The following ANKRD13C variants were observed in gnomAD, a reference collection of about 807,000 sequenced individuals.
ANKRD13C encodes ankyrin repeat domain 13C, also known as ankyrin repeat domain-containing protein 13C.
In ANKRD13C, 16 loss-of-function variants were observed where a neutral mutation model predicts 65.5. The observed-to-expected ratio is 0.24, with a 90% CI of 0.17 to 0.37. ANKRD13C has a LOEUF of 0.37. Ranked by LOEUF, ANKRD13C falls within the 10% of genes least tolerant of loss-of-function variation. The pLI is 1.00. For missense variants in ANKRD13C, 503 were observed against 655.9 expected (o/e 0.77, Z 2.55); for synonymous variants, 235 against 238.7 (o/e 0.98, Z 0.14).
chr1:70,353,616 G>A (rs1682850131), intron 1 of ANKRD13C, among the ~76,000 whole-genome samples: 1 of 152,170 alleles, frequency 6.6e-6, no homozygotes, highest in Non-Finnish European at 1.5e-5. Flanking sequence ...TGCCAAGGTA[G>A]GGGGAAGAGA....
At chr1:70,297,966 G>C (rs1680168401) in intron 7 of ANKRD13C, among the ~76,000 whole-genome samples, 1 of 150,874 alleles carries the variant, frequency 6.6e-6, no homozygotes. Flanking sequence ...GCAATGGCTT[G>C]GGCCTGGGAC....
intron 3 of ANKRD13C, among the ~76,000 whole-genome samples, chr1:70,320,514 T>C (rs1399409950): frequency 6.6e-6 from 1 of 151,904 alleles, no homozygotes; most frequent in East Asian, 1.9e-4. Flanking sequence ...TTGTATTTTT[T>C]TGTAGAGACA....
intron 2 of ANKRD13C, 78 bp from the exon 3 acceptor site, chr1:70,325,035 T>C (rs1681470618): frequency 7.4e-6 from 7 of 945,532 alleles, no homozygotes; most frequent in Non-Finnish European, 1.1e-5. Flanking sequence ...AAAAGTTTAA[T>C]AAACCAAATT....
intron 1 of ANKRD13C, among the ~76,000 whole-genome samples, chr1:70,340,429 G>A (rs1406349652): frequency 6.6e-6 from 1 of 152,152 alleles, no homozygotes. Flanking sequence ...CGTCTGAAAT[G>A]TGTTGAGATT....
At chr1:70,327,250 T>A (rs1037324387) in intron 2 of ANKRD13C, among the ~76,000 whole-genome samples, 2 of 152,262 alleles carry the variant, frequency 1.3e-5, no homozygotes, top group African/African-American at 4.8e-5. Context: ...ATGTGATATA[T>A]GTAAAGTTCC....
chr1:70,280,932 C>A (rs564431870), intron 9 of ANKRD13C, among the ~76,000 whole-genome samples: 1 of 151,942 alleles, frequency 6.6e-6, no homozygotes, highest in South Asian at 2.1e-4. Flanking sequence ...TAAATAGACT[C>A]AAGAGATCCT....
chr1:70,282,594 G>A (rs1383235841), intron 9 of ANKRD13C, among the ~76,000 whole-genome samples: 6 of 152,162 alleles, frequency 3.9e-5, no homozygotes. Context: ...TACAGTGGGA[G>A]ATTATACATA....
intron 3 of ANKRD13C, among the ~76,000 whole-genome samples, chr1:70,318,139 C>G (rs1324797652): frequency 6.6e-6 from 1 of 152,110 alleles, no homozygotes; most frequent in Non-Finnish European, 1.5e-5. Context: ...ATTCAGAAAG[C>G]AATTACACAA....
rs924754288 is a variant in ANKRD13C, at chr1:70,286,359, A to T, written c.1215+6029T>A. ...CATTTTCTTCATTCTAAAAAAATTTAAAATATAATCTTAAAAGGATTACTA... is the reference window on the plus strand; with the variant it reads ...CATTTTCTTCATTCTAAAAAAATTTTAAATATAATCTTAAAAGGATTACTA... On this transcript the variant is annotated intron_variant, in intron 9 of 12. Transcript: ENST00000370944. Among the ~76,000 whole-genome samples, 6 of 152,206 alleles carry T rather than the reference A, an allele frequency of 3.9e-5. No homozygotes were observed. The South Asian group carries it at 1.0e-3, about 26-fold the overall frequency.
At chr1:70,334,752 C>T (rs1328712788) in intron 2 of ANKRD13C, among the ~76,000 whole-genome samples, 2 of 151,854 alleles carry the variant, frequency 1.3e-5, no homozygotes, top group African/African-American at 4.8e-5. Context: ...TGGAAAAATC[C>T]CATCTCTACT....
chr1:70,341,718 T>G (rs562625228), intron 1 of ANKRD13C, among the ~76,000 whole-genome samples: 3 of 152,170 alleles, frequency 2.0e-5, no homozygotes, highest in Non-Finnish European at 4.4e-5. Flanking sequence ...CTTGTCTTTC[T>G]TACCTTCTTC....
rs200087453 is a variant in ANKRD13C at position 70,354,428 on chromosome 1, G to C, written c.-20C>G. 32 of 1,600,444 alleles carry C rather than the reference G, an allele frequency of 2.0e-5. No individual in the cohort carries two copies. The East Asian group carries it at 2.5e-4, about 12-fold the overall frequency. Reference sequence around the variant, plus strand: ...GGTCATCGCCGCCGCCAGGGGCAAGGGGGGGAATCGGGAGGCTCACCGCTG... The same window carrying C: ...GGTCATCGCCGCCGCCAGGGGCAAGCGGGGGAATCGGGAGGCTCACCGCTG... On this transcript the variant is annotated 5_prime_UTR_variant, in exon 1 of 13. Coordinates refer to ENST00000370944, the MANE Select transcript of ANKRD13C (RefSeq NM_030816.5).
At chr1:70,329,991 G>C (rs932527028) in intron 2 of ANKRD13C, among the ~76,000 whole-genome samples, 1 of 151,400 alleles carries the variant, frequency 6.6e-6, no homozygotes, top group Non-Finnish European at 1.5e-5. Context: ...TCAGGAGGCT[G>C]AGGCAGGAGA....
intron 11 of ANKRD13C, among the ~76,000 whole-genome samples, chr1:70,271,752 C>T (rs931342841): frequency 6.6e-6 from 1 of 152,114 alleles, no homozygotes. Flanking sequence ...ACCAATTTTT[C>T]GTGGAACCTA....
At chr1:70,347,432 C>G (rs371310160) in intron 1 of ANKRD13C, among the ~76,000 whole-genome samples, 1 of 152,120 alleles carries the variant, frequency 6.6e-6, no homozygotes. Flanking sequence ...GCTATCCTAC[C>G]GAAAACTCAA....
intron 9 of ANKRD13C, among the ~76,000 whole-genome samples, chr1:70,282,132 G>A (rs988118962): frequency 7.0e-6 from 1 of 143,594 alleles, no homozygotes; most frequent in East Asian, 2.1e-4. Flanking sequence ...TCGGCTCACT[G>A]CAAGCTCTGC....
At chr1:70,306,553 G>A (rs1051780250) in intron 5 of ANKRD13C, among the ~76,000 whole-genome samples, 7 of 152,056 alleles carry the variant, frequency 4.6e-5, no homozygotes, top group Non-Finnish European at 1.0e-4. Context: ...TCAATATGAT[G>A]CCACTCAGGT....
chr1:70,335,256 A>C (rs1317409432), intron 2 of ANKRD13C, among the ~76,000 whole-genome samples: 1 of 151,812 alleles, frequency 6.6e-6, no homozygotes, highest in Non-Finnish European at 1.5e-5. Context: ...AACACAAAAA[A>C]TTAGCCAGGC....
intron 1 of ANKRD13C, among the ~76,000 whole-genome samples, chr1:70,337,802 G>A (rs181553477): frequency 4.9e-4 from 75 of 151,634 alleles, no homozygotes; most frequent in African/African-American, 1.7e-3. Flanking sequence ...AATATGCAAT[G>A]AAGAAAGCAT....
Sources: gnomAD v4.1 joint callset for allele counts (sites outside exome capture counted in the v4.1 genomes callset) on GRCh38, gnomAD v4.1.1 for gene constraint, MANE v1.5 for transcripts, NCBI Gene and HGNC (gene_info 2026-07-23, HGNC 2026-07-21) for gene names.